Variants in MCOLN1 observed in about 807,000 individuals in gnomAD.
MCOLN1 encodes the protein mucolipin TRP cation channel 1.
Under a neutral mutation model 70.3 loss-of-function variants are expected in MCOLN1, and 50 were observed. The observed-to-expected ratio is 0.71, with a 90% CI of 0.57 to 0.90. The LOEUF is 0.90. Ranked by LOEUF, MCOLN1 falls within the 40% of genes least tolerant of loss-of-function variation. The pLI, the probability that MCOLN1 is intolerant of heterozygous loss-of-function variation, is 0.00. For missense variants in MCOLN1, 598 were observed against 803.5 expected, an observed-to-expected ratio of 0.74 and a Z score of 3.09; for synonymous variants, 366 against 341.0, an observed-to-expected ratio of 1.07 and a Z score of -0.81.
Position 7,526,763 on chromosome 19 carries a change from C to A in MCOLN1, c.408C>A (p.Tyr136Ter). ...GCCCTCCCCTTCTCTGCCCACAGTA[C>A]CTGGCGTTGCCTGACGTGTCACTGG... Reference protein sequence around the residue: ...YQAIFHAVDQYLALPDVSLGR... With the variant: ...YQAIFHAVDQ Residue 136 changes from tyrosine (Y) to a stop codon, truncating the protein, a stop_gained and splice_region_variant, in exon 4 of 14, where the codon TAC (tyrosine) becomes TAA (stop). Transcript: ENST00000264079. LOFTEE classifies it high-confidence loss of function. This position sits in a 1 kb window ranked among gnomAD's most constrained non-coding sequence, Gnocchi z 4.6. 6.2e-7 allele frequency: 1 copy of A among 1,613,930 alleles called. No homozygotes were observed. The highest frequency in any genetic ancestry group is 8.5e-7 in the Non-Finnish European group (1 of 1,180,034).
intron 4 of MCOLN1, chr19:7,527,271 CAAAAA>C (rs562144613): frequency 2.9e-3 from 678 of 234,484 alleles, no homozygotes; most frequent in Middle Eastern, 7.4e-3. Context: ...GACCCTGTCT[CAAAAA>C]AAAAAAAAAA....
intron 4 of MCOLN1, 37 bp from the exon 5 acceptor site, chr19:7,527,483 G>A (rs745491752): frequency 8.0e-6 from 7 of 874,786 alleles, no homozygotes; most frequent in East Asian, 2.4e-5. Context: ...TGGCCTCCCC[G>A]GCCCCCTGAG....
At chr19:7,522,839 C>CA (rs1335052264) in intron 1 of MCOLN1, 58 bp downstream of exon 1, 5 of 1,292,958 alleles carry the variant, frequency 3.9e-6, no homozygotes, top group Non-Finnish European at 4.9e-6. Flanking sequence ...CTGTGTCTCC[C>CA]ACCTGGGGCG....
At position 7,529,436 on chromosome 19, in the gene MCOLN1, C is replaced by T. The variant is rs114945099; in HGVS notation, c.1237-154C>T. ...TGCGTTGCCCTCGGACCCCCTCAGACGTGGCCACGCCCCCTCTAGGCACCC... is the reference window on the plus strand; with the variant it reads ...TGCGTTGCCCTCGGACCCCCTCAGATGTGGCCACGCCCCCTCTAGGCACCC... On this transcript the variant is annotated intron_variant, in intron 10 of 13. Coordinates refer to ENST00000264079, the MANE Select transcript of MCOLN1 (RefSeq NM_020533.3). Among the ~76,000 whole-genome samples, 1,102 of 152,302 alleles carry T rather than the reference C, an allele frequency of 7.2e-3. 16 individuals carry two copies. The highest frequency in any genetic ancestry group is 0.025 in the African/African-American group (1,028 of 41,550).
Position 7,533,627 on chromosome 19 carries a change from C to T in MCOLN1, c.1680C>T (p.Ala560=), listed in dbSNP as rs747365638. The T allele has an allele frequency of 9.1e-5, 147 of 1,612,366 alleles. No homozygotes were observed. Among genetic ancestry groups the T allele is most frequent in the Non-Finnish European group, 1.1e-4 (132 of 1,179,730 alleles). Residue 560 remains alanine, a synonymous_variant, in exon 13 of 14, where the codon GCC becomes GCT. Transcript: ENST00000264079. Reference sequence around the variant, plus strand: ...AGTTCCGCCGCGGGAGCGGCTCGGCCTGCAGCCTTCTCTGCTGCTGCGGAA... The same window carrying T: ...AGTTCCGCCGCGGGAGCGGCTCGGCTTGCAGCCTTCTCTGCTGCTGCGGAA... ...SGKFRRGSGS[A]CSLLCCCGRD...
chr19:7,525,398 G>A lies in MCOLN1; in HGVS notation c.237+232G>A, dbSNP rs2146021583. 2.1e-6 allele frequency: 1 copy of A among 485,578 alleles called. No individual in the cohort carries two copies. Among genetic ancestry groups the A allele is most frequent in the African/African-American group, 2.0e-5 (1 of 51,030 alleles). The allele number at this position is 485,578 out of a possible 1,614,324, so 30.1% of individuals were successfully genotyped here. On this transcript the variant is annotated intron_variant, in intron 2 of 13. Coordinates refer to ENST00000264079, the MANE Select transcript of MCOLN1 (RefSeq NM_020533.3). This position sits in a 1 kb window ranked among gnomAD's most constrained non-coding sequence, Gnocchi z 4.2. ...AATCCCAGCTACTTGGCAGGCTGAG[G>A]CAGGAGAATCGCTTGAATTGGGAGG...
intron 12 of MCOLN1, 162 bp from the exon 13 acceptor site, chr19:7,533,361 C>A: frequency 2.3e-6 from 2 of 883,772 alleles, no homozygotes; most frequent in East Asian, 2.6e-5. Flanking sequence ...GAAGGTCCCT[C>A]TGTGCAAGCA....
At chr19:7,531,763 G>T (rs2022656206) in intron 12 of MCOLN1, among the ~76,000 whole-genome samples, 1 of 152,050 alleles carries the variant, frequency 6.6e-6, no homozygotes, top group South Asian at 2.1e-4. Flanking sequence ...TGCCTCCCGG[G>T]TTCAAGCGAT....
At position 7,526,553 on chromosome 19, in the gene MCOLN1, G is replaced by A. The variant is rs764847467; in HGVS notation, c.352G>A (p.Ala118Thr). The A allele has an allele frequency of 4.3e-6, 7 of 1,613,952 alleles. No individual in the cohort carries two copies. Among genetic ancestry groups the A allele is most frequent in the Admixed American group, 1.7e-5 (1 of 59,996 alleles). ...CTCGGACGGAGCGGATGACACCTTC[G>A]CAGCCTACACGCGGGAGCAGCTGTA... ...GYSDGADDTF[A>T]AYTREQLYQA... Residue 118 changes from alanine to threonine, a missense_variant, in exon 3 of 14, where the codon GCA (alanine) becomes ACA (threonine). By Grantham distance (58) the Ala-to-Thr change is moderately conservative. Around this residue, in one of 3 missense-constraint regions of MCOLN1, gnomAD observed 461 missense variants for 588.4 expected, o/e 0.78. Coordinates refer to ENST00000264079, the MANE Select transcript of MCOLN1 (RefSeq NM_020533.3). This position sits in a 1 kb window ranked among gnomAD's most constrained non-coding sequence, Gnocchi z 4.6.
chr19:7,526,830 A>G lies in MCOLN1; in HGVS notation c.475A>G (p.Asn159Asp). The change falls in exon 4 of 14, where the codon AAT (asparagine) becomes GAT (aspartate). Residue 159 changes from asparagine to aspartate, a missense_variant. Transcript: ENST00000264079. This position sits in a 1 kb window ranked among gnomAD's most constrained non-coding sequence, Gnocchi z 4.6. The stretch of plus-strand genomic sequence containing the variant: ...CCGTGGTGGGGGTGACCCTTGGACC[A>G]ATGGCTCAGGGCTTGCTCTCTGCCA... Reference protein sequence around the residue: ...YVRGGGDPWTNGSGLALCQRY... With the variant: ...YVRGGGDPWTDGSGLALCQRY... The G allele has an allele frequency of 1.2e-6, 2 of 1,614,152 alleles. No homozygotes were observed. The highest frequency in any genetic ancestry group is 1.7e-6 in the Non-Finnish European group (2 of 1,180,014).
chr19:7,527,757 C>T, intron 5 of MCOLN1, 107 bp from the exon 6 acceptor site: 1 of 1,127,450 alleles, frequency 8.9e-7, no homozygotes, highest in Non-Finnish European at 1.4e-6. Flanking sequence ...GCTGGGTGAG[C>T]ACTTCCCCTG....
At chr19:7,533,388 G>C in intron 12 of MCOLN1, 135 bp from the exon 13 acceptor site, 4 of 1,174,168 alleles carry the variant, frequency 3.4e-6, no homozygotes, top group Non-Finnish European at 4.8e-6. Flanking sequence ...GGAACAACGG[G>C]TGGAGCAGGC....
At chr19:7,531,418 C>G (rs940246987) in intron 12 of MCOLN1, among the ~76,000 whole-genome samples, 4 of 151,312 alleles carry the variant, frequency 2.6e-5, no homozygotes, top group African/African-American at 9.7e-5. Flanking sequence ...CCAGGCTGGT[C>G]TCGAACTCCT....
At position 7,522,715 on chromosome 19, in the gene MCOLN1, G is replaced by A. The variant is rs1286190787; in HGVS notation, c.-36G>A. 2 of 1,451,458 alleles carry A rather than the reference G, an allele frequency of 1.4e-6. No homozygotes were observed. Among genetic ancestry groups the A allele is most frequent in the African/African-American group, 1.5e-5 (1 of 67,956 alleles). The allele number at this position is 1,451,458 out of a possible 1,614,324, so 89.9% of individuals were successfully genotyped here. A position where few individuals can be genotyped will look rare whatever the true frequency, so the allele number is the denominator to read the frequency against. ...CGGGCGATCGGACCCAGGCTGCCCC[G>A]CCGTACCCGCCTGCGTCCCGCGCTC... On this transcript the variant is annotated 5_prime_UTR_variant, in exon 1 of 14. Coordinates refer to ENST00000264079, the MANE Select transcript of MCOLN1 (RefSeq NM_020533.3).
rs1053385060 is a variant in MCOLN1, at chr19:7,525,337, C to T, written c.237+171C>T. On this transcript the variant is annotated intron_variant, in intron 2 of 13. Coordinates refer to ENST00000264079, the MANE Select transcript of MCOLN1 (RefSeq NM_020533.3). The surrounding 1 kb of genome is among the most constrained non-coding windows in gnomAD (Gnocchi z 4.2). ...TGAAACCCCATCTCTACTAAAAATA[C>T]AAAAAAATTAGCCGTGCGTGGTGGC... 1 of 664,146 alleles carries T rather than the reference C, an allele frequency of 1.5e-6. No homozygotes were observed. The highest frequency in any genetic ancestry group is 2.7e-6 in the Non-Finnish European group (1 of 373,134). 41.1% of individuals were successfully genotyped at this position (664,146 alleles called of 1,614,324 possible).
Position 7,528,796 on chromosome 19 carries a change from C to A in MCOLN1, c.985-25C>A. On this transcript the variant is annotated intron_variant, in intron 8 of 13. Coordinates refer to ENST00000264079, the MANE Select transcript of MCOLN1 (RefSeq NM_020533.3). The surrounding 1 kb of genome is among the most constrained non-coding windows in gnomAD (Gnocchi z 4.2). ...TTTGAGGGTCCTGTGCCTGGTCAGG[C>A]CCTCACCCCGCCTGCCTTCTGCAGG... is the stretch of plus-strand genomic sequence containing the variant. 1 of 1,614,126 alleles carries A rather than the reference C, an allele frequency of 6.2e-7. No homozygotes were observed. Among genetic ancestry groups the A allele is most frequent in the South Asian group, 1.1e-5 (1 of 91,076 alleles).
rs767950930 is a variant in MCOLN1, at chr19:7,528,704, G to A, written c.984+1G>A. 9 of 1,614,172 alleles carry A rather than the reference G, an allele frequency of 5.6e-6. No individual in the cohort carries two copies. Among genetic ancestry groups the A allele is most frequent in the South Asian group, 4.4e-5 (4 of 91,084 alleles). ...CCTTCGAGGCTTCCTGCTGCAGAAC[G>A]TGAGGCTTCTGCGTCATGTGTGCTG... On this transcript the variant is annotated splice_donor_variant, in intron 8 of 13. Coordinates refer to ENST00000264079, the MANE Select transcript of MCOLN1 (RefSeq NM_020533.3). LOFTEE classifies it high-confidence loss of function. This position sits in a 1 kb window ranked among gnomAD's most constrained non-coding sequence, Gnocchi z 4.2.
In MCOLN1 at chr19:7,527,914, G is replaced by T; in HGVS notation, c.731G>T (p.Ser244Ile). Reference protein sequence around the residue: ...HFRLKTINLQSLINNEIPDCY... With the variant: ...HFRLKTINLQILINNEIPDCY... ...CGGCTGAAGACCATTAACCTCCAGA[G>T]CCTCATCAATAATGAGATCCCGGAC... Residue 244 changes from serine (S) to isoleucine (I), a missense_variant, in exon 6 of 14, where the codon AGC becomes ATC. This residue lies in a region of MCOLN1 where 461 missense variants were observed against 588.4 expected (regional missense o/e 0.78). Transcript: ENST00000264079. 6.2e-7 allele frequency: 1 copy of T among 1,614,202 alleles called. No individual in the cohort carries two copies. Among genetic ancestry groups the T allele is most frequent in the Non-Finnish European group, 8.5e-7 (1 of 1,180,032 alleles).
chr19:7,529,780 A>T, intron 11 of MCOLN1, 68 bp downstream of exon 11: 1 of 1,596,082 alleles, frequency 6.3e-7, no homozygotes. Context: ...TGACCCCCAG[A>T]TGACCCCTTG....
Sources: allele counts gnomAD v4.1 joint callset (sites outside exome capture counted in the v4.1 genomes callset), GRCh38; gene constraint gnomAD v4.1.1; regional missense constraint gnomAD v4.1.1; non-coding constraint Gnocchi (gnomAD v3.1); transcripts MANE v1.5; gene names NCBI Gene and HGNC (gene_info 2026-07-23, HGNC 2026-07-21).